The following KIF26B variants were observed in gnomAD, a reference collection of about 807,000 sequenced individuals.
KIF26B encodes the protein kinesin family member 26B.
In KIF26B, 63 loss-of-function variants were observed where a neutral mutation model predicts 151.2. That is an observed-to-expected ratio of 0.42 (90% CI 0.34 to 0.51). KIF26B has a LOEUF of 0.51. KIF26B is among the 20% of genes least tolerant of loss of function. KIF26B has a pLI of 0.07. For synonymous variants in KIF26B, 1,357 were observed against 1,262.1 expected (o/e 1.08, Z -1.59); for missense variants, 2,813 against 2,913.6 (o/e 0.97, Z 0.79).
At position 245,156,651 on chromosome 1, in the gene KIF26B, A is replaced by G. The variant is rs940104132; in HGVS notation, c.433A>G (p.Arg145Gly). 1 of 1,515,038 alleles carries G rather than the reference A, an allele frequency of 6.6e-7. No homozygotes were observed. Among genetic ancestry groups the G allele is most frequent in the Non-Finnish European group, 8.8e-7 (1 of 1,138,754 alleles). The allele number at this position is 1,515,038 out of a possible 1,614,324, so 93.8% of individuals were successfully genotyped here. A position where few individuals can be genotyped will look rare whatever the true frequency, so the allele number is the denominator to read the frequency against. Residue 145 changes from arginine to glycine, a missense_variant, in exon 2 of 15, where the codon AGG (arginine) becomes GGG (glycine). Physicochemically the swap from Arg to Gly is moderately radical, Grantham distance 125. Around this residue, in one of 3 missense-constraint regions of KIF26B, gnomAD observed 676 missense variants for 688.1 expected, o/e 0.98. Coordinates refer to ENST00000407071, the MANE Select transcript of KIF26B (RefSeq NM_018012.4). ...GGTGGAGCTCAAGAGGCAGGCCCTG[A>G]GGTTGCTCCTCCCGGGGCCCTTCCC... The part of the protein sequence containing the change: ...RLVELKRQAL[R>G]LLLPGPFPGK...
In KIF26B at chr1:245,155,210, G is replaced by A; in HGVS notation, c.-215G>A. ...GACGAGGAAAAGCATGCTTTGAAGA[G>A]AAGAATAAACCAGCGACCCCAACCC... On this transcript the variant is annotated 5_prime_UTR_variant, in exon 1 of 15. Coordinates refer to ENST00000407071, the MANE Select transcript of KIF26B (RefSeq NM_018012.4). 1 of 584,602 alleles carries A rather than the reference G, an allele frequency of 1.7e-6. No individual in the cohort carries two copies. The highest frequency in any genetic ancestry group is 3.0e-6 in the Non-Finnish European group (1 of 336,346). 36.2% of individuals were successfully genotyped at this position (584,602 alleles called of 1,614,324 possible).
chr1:245,505,230 G>A (rs943178643), intron 4 of KIF26B, among the ~76,000 whole-genome samples: 5 of 120,150 alleles, frequency 4.2e-5, no homozygotes, highest in East Asian at 3.5e-4. Flanking sequence ...GAGCCACTGC[G>A]CCTCGCCTAT....
At chr1:245,519,438 C>T (rs1336238096) in intron 4 of KIF26B, among the ~76,000 whole-genome samples, 1 of 151,856 alleles carries the variant, frequency 6.6e-6, no homozygotes, top group Non-Finnish European at 1.5e-5. Flanking sequence ...CCTGTAATTC[C>T]AGCTATTCTG....
intron 2 of KIF26B, among the ~76,000 whole-genome samples, chr1:245,181,834 A>G (rs1452212635): frequency 6.6e-6 from 1 of 152,110 alleles, no homozygotes; most frequent in Non-Finnish European, 1.5e-5. Context: ...GGACAGTGAG[A>G]TGGCAGAGGA....
intron 2 of KIF26B, among the ~76,000 whole-genome samples, chr1:245,196,874 T>G (rs1219804103): frequency 6.6e-6 from 1 of 152,204 alleles, no homozygotes; most frequent in Non-Finnish European, 1.5e-5. Flanking sequence ...TCAGAGGTAC[T>G]GTGTGCTGTA....
At position 245,703,635 on chromosome 1, in the gene KIF26B, C is replaced by T. The variant is rs751070376; in HGVS notation, c.*1029C>T. On this transcript the variant is annotated 3_prime_UTR_variant, in exon 15 of 15. Coordinates refer to ENST00000407071, the MANE Select transcript of KIF26B (RefSeq NM_018012.4). ...AAAAAGTCTTGAACGAAAGCTGGAA[C>T]CAATTCACCAGAGCCATATTTCTTT... 6.6e-6 allele frequency: 1 copy of T among 152,184 alleles called. No homozygotes were observed. The highest frequency in any genetic ancestry group is 2.4e-5 in the African/African-American group (1 of 41,446). The allele number at this position is 152,184 out of a possible 1,614,324, so 9.4% of individuals were successfully genotyped here.
chr1:245,551,273 G>A (rs1661874430), intron 5 of KIF26B, among the ~76,000 whole-genome samples: 1 of 152,078 alleles, frequency 6.6e-6, no homozygotes, highest in Non-Finnish European at 1.5e-5. Context: ...AAACACTTGG[G>A]CTCAAGCGAT....
intron 10 of KIF26B, among the ~76,000 whole-genome samples, chr1:245,673,465 C>CT (rs2044320096): frequency 6.6e-6 from 1 of 152,258 alleles, no homozygotes; most frequent in African/African-American, 2.4e-5. Context: ...TAGGGTTTTG[C>CT]TTAGGGGGCA....
chr1:245,562,171 G>A lies in KIF26B; in HGVS notation c.1350+21221G>A, dbSNP rs931667599. Among the ~76,000 whole-genome samples the A allele has an allele frequency of 6.6e-5, 10 of 152,098 alleles. No homozygotes were observed. The East Asian group carries it at 1.2e-3, about 18-fold the overall frequency. ...TGTGCTAGTGGTCCCTTCAGAGAAC[G>A]AATTATGCTGAGGCAGAGAGGGACC... On this transcript the variant is annotated intron_variant, in intron 5 of 14. Transcript: ENST00000407071.
intron 2 of KIF26B, among the ~76,000 whole-genome samples, chr1:245,286,319 A>G (rs1391556036): frequency 6.6e-6 from 1 of 151,966 alleles, no homozygotes; most frequent in Non-Finnish European, 1.5e-5. Flanking sequence ...TTTTGGGTGG[A>G]TCACCTGAGT....
chr1:245,394,458 A>C (rs996250991), intron 3 of KIF26B, among the ~76,000 whole-genome samples: 1 of 151,986 alleles, frequency 6.6e-6, no homozygotes, highest in Non-Finnish European at 1.5e-5. Context: ...TCCCATCTGT[A>C]CTAAAAATAT....
intron 6 of KIF26B, among the ~76,000 whole-genome samples, chr1:245,605,545 G>A (rs1319408788): frequency 6.6e-6 from 1 of 152,182 alleles, no homozygotes; most frequent in East Asian, 1.9e-4. Flanking sequence ...ACCCTTCAGT[G>A]GCTTCGGCAG....
chr1:245,503,557 C>T (rs1421822708), intron 4 of KIF26B, among the ~76,000 whole-genome samples: 4 of 152,004 alleles, frequency 2.6e-5, no homozygotes, highest in Non-Finnish European at 4.4e-5. Context: ...TCTCAAATGC[C>T]CTGTATGGAG....
intron 3 of KIF26B, among the ~76,000 whole-genome samples, chr1:245,371,188 A>G (rs977430721): frequency 2.6e-5 from 4 of 152,018 alleles, no homozygotes; most frequent in Non-Finnish European, 5.9e-5. Flanking sequence ...TGGGATAAAG[A>G]GATTTGGTGC....
chr1:245,372,971 C>T (rs1421920950), intron 3 of KIF26B, among the ~76,000 whole-genome samples: 2 of 152,060 alleles, frequency 1.3e-5, no homozygotes, highest in African/African-American at 2.4e-5. Context: ...AAGAAGAAGG[C>T]GTGAAAATAT....
chr1:245,287,495 T>C (rs952575836), intron 2 of KIF26B, among the ~76,000 whole-genome samples: 1 of 79,290 alleles, frequency 1.3e-5, no homozygotes, highest in South Asian at 4.2e-4. Context: ...CATCTCTCTC[T>C]CTCTTTTTTT....
intron 2 of KIF26B, among the ~76,000 whole-genome samples, chr1:245,304,295 C>T (rs1035689032): frequency 3.9e-5 from 6 of 152,166 alleles, no homozygotes; most frequent in Non-Finnish European, 8.8e-5. Context: ...CCAGGTATAC[C>T]TCCTCTCCTC....
intron 2 of KIF26B, among the ~76,000 whole-genome samples, chr1:245,272,114 T>C (rs557249553): frequency 2.6e-5 from 4 of 152,364 alleles, no homozygotes; most frequent in South Asian, 4.1e-4. Flanking sequence ...CCATTTCTTC[T>C]AGGTTATCTA....
rs559154523 is a variant in KIF26B, at chr1:245,660,804, T to G, written c.2258+14524T>G. Among the ~76,000 whole-genome samples, 8 of 152,144 alleles carry G rather than the reference T, an allele frequency of 5.3e-5. No individual in the cohort carries two copies. The South Asian group carries it at 1.7e-3, about 32-fold the overall frequency. On this transcript the variant is annotated intron_variant, in intron 10 of 14. Transcript: ENST00000407071. ...TTCACTATCATTCACTCAAAATATT[T>G]TCCATTTCTCATTGTAATTATCATT...
Sources: allele counts gnomAD v4.1 joint callset (sites outside exome capture counted in the v4.1 genomes callset), GRCh38; gene constraint gnomAD v4.1.1; regional missense constraint gnomAD v4.1.1; transcripts MANE v1.5; gene names NCBI Gene and HGNC (gene_info 2026-07-23, HGNC 2026-07-21).